The following TIAM1 variants were observed in gnomAD, a reference collection of about 807,000 sequenced individuals.
TIAM1 encodes rho guanine nucleotide exchange factor TIAM1.
Under a neutral mutation model 163.5 loss-of-function variants are expected in TIAM1, and 65 were observed. That is an observed-to-expected ratio of 0.40 (90% CI 0.33 to 0.49). The LOEUF is 0.49. Among genes scored for constraint, TIAM1 ranks in the 20% least tolerant of loss-of-function variants. The probability of loss-of-function intolerance (pLI) is 0.77; values close to 1 mark genes in which losing one functional copy is unlikely to be tolerated. For synonymous variants in TIAM1, 833 were observed against 810.1 expected (o/e 1.03, Z -0.48); for missense variants, 1,789 against 2,044.7 (o/e 0.87, Z 2.41).
chr21:31,447,021 AC>A (rs1265874079), intron 2 of TIAM1, among the ~76,000 whole-genome samples: 1 of 152,200 alleles, frequency 6.6e-6, no homozygotes, highest in Admixed American at 6.5e-5. Flanking sequence ...TATCATTCTT[AC>A]CCCTATGAAC....
At chr21:31,244,968 A>T (rs1030244286) in intron 6 of TIAM1, among the ~76,000 whole-genome samples, 20 of 152,136 alleles carry the variant, frequency 1.3e-4, no homozygotes, top group African/African-American at 4.3e-4. Context: ...ATTTTTTTTA[A>T]AAAATGTTGA....
intron 13 of TIAM1, among the ~76,000 whole-genome samples, chr21:31,189,365 T>C (rs1278543510): frequency 6.6e-6 from 1 of 152,066 alleles, no homozygotes; most frequent in East Asian, 1.9e-4. Context: ...ATTCCCTCTT[T>C]TCTTGGTCCT....
chr21:31,350,557 T>C (rs1223157631), intron 2 of TIAM1, among the ~76,000 whole-genome samples: 4 of 152,144 alleles, frequency 2.6e-5, no homozygotes, highest in African/African-American at 7.2e-5. Context: ...GTTCTCGTGA[T>C]AGTGAGTCAG....
intron 14 of TIAM1, among the ~76,000 whole-genome samples, chr21:31,184,887 C>T (rs1025525042): frequency 2.6e-5 from 4 of 152,164 alleles, no homozygotes; most frequent in African/African-American, 9.7e-5. Context: ...ACACCTTTGC[C>T]TTTCCATGCA....
At chr21:31,186,552 G>A (rs546610811) in intron 14 of TIAM1, among the ~76,000 whole-genome samples, 3 of 152,120 alleles carry the variant, frequency 2.0e-5, no homozygotes, top group South Asian at 2.1e-4. Context: ...CAGGAGGATC[G>A]CTTGAGCCCA....
intron 4 of TIAM1, among the ~76,000 whole-genome samples, chr21:31,264,848 G>C (rs745567008): frequency 8.5e-5 from 13 of 152,118 alleles, no homozygotes; most frequent in Admixed American, 4.6e-4. Context: ...AGGCTGCTCC[G>C]CCATTCAAGG....
chr21:31,240,244 C>T (rs1438571036), intron 6 of TIAM1, among the ~76,000 whole-genome samples: 4 of 152,192 alleles, frequency 2.6e-5, no homozygotes, highest in South Asian at 4.2e-4. Context: ...TTAAGAACTT[C>T]CAAAGAGCCA....
At chr21:31,394,417 A>G (rs1469691161) in intron 2 of TIAM1, among the ~76,000 whole-genome samples, 4 of 152,230 alleles carry the variant, frequency 2.6e-5, no homozygotes, top group Admixed American at 2.6e-4. Flanking sequence ...GTGGGATACT[A>G]TGTGGTGAAC....
chr21:31,539,277 T>G (rs1270816652), intron 1 of TIAM1, among the ~76,000 whole-genome samples: 2 of 150,718 alleles, frequency 1.3e-5, no homozygotes, highest in Non-Finnish European at 2.9e-5. Flanking sequence ...ACTCTTTTTT[T>G]TTTTTTGAGA....
chr21:31,509,866 G>A (rs893207989), intron 1 of TIAM1, among the ~76,000 whole-genome samples: 3 of 152,174 alleles, frequency 2.0e-5, no homozygotes, highest in African/African-American at 7.2e-5. Context: ...GGATGAGTCA[G>A]CCAATTACCG....
intron 2 of TIAM1, among the ~76,000 whole-genome samples, chr21:31,355,501 C>T (rs2076300369): frequency 1.3e-5 from 2 of 151,776 alleles, no homozygotes; most frequent in African/African-American, 4.8e-5. Flanking sequence ...TCCTTTCTTA[C>T]TTCCCTGATT....
At chr21:31,551,039 A>C (rs2123316777) in intron 1 of TIAM1, among the ~76,000 whole-genome samples, 1 of 151,366 alleles carries the variant, frequency 6.6e-6, no homozygotes, top group East Asian at 2.0e-4. Flanking sequence ...GGTGAAACCT[A>C]GTCTCTACTA....
intron 1 of TIAM1, among the ~76,000 whole-genome samples, chr21:31,511,749 AG>A (rs2047216995): frequency 6.6e-6 from 1 of 152,238 alleles, no homozygotes; most frequent in South Asian, 2.1e-4. Context: ...AGTTCCAGGA[AG>A]GCACTTTGCA....
chr21:31,462,277 T>A (rs534820046), intron 2 of TIAM1, among the ~76,000 whole-genome samples: 32 of 152,300 alleles, frequency 2.1e-4, no homozygotes, highest in African/African-American at 6.7e-4. Flanking sequence ...TAAAACTTTA[T>A]TTACAAAAAC....
At chr21:31,188,937 C>T (rs972071810) in intron 13 of TIAM1, among the ~76,000 whole-genome samples, 1 of 150,738 alleles carries the variant, frequency 6.6e-6, no homozygotes, top group African/African-American at 2.4e-5. Context: ...CTTTGCTTAA[C>T]TGGAAGATGG....
At chr21:31,177,982 A>G (rs1028264234) in intron 15 of TIAM1, among the ~76,000 whole-genome samples, 1 of 152,088 alleles carries the variant, frequency 6.6e-6, no homozygotes, top group Non-Finnish European at 1.5e-5. Flanking sequence ...GCCACTCAGG[A>G]TGTTTCCTAT....
intron 2 of TIAM1, among the ~76,000 whole-genome samples, chr21:31,305,399 G>A (rs2146969203): frequency 6.6e-6 from 1 of 150,602 alleles, no homozygotes; most frequent in Non-Finnish European, 1.5e-5. Flanking sequence ...AAGGAGCGAT[G>A]GGCATTAACT....
intron 2 of TIAM1, among the ~76,000 whole-genome samples, chr21:31,359,867 AGGG>A (rs1307402480): frequency 1.5e-5 from 2 of 137,416 alleles, no homozygotes; most frequent in Non-Finnish European, 1.6e-5. Flanking sequence ...GAAGGAAGGG[AGGG>A]AGGGAGGAAA....
intron 2 of TIAM1, among the ~76,000 whole-genome samples, chr21:31,285,193 C>CA (rs879840338): frequency 3.3e-5 from 5 of 151,302 alleles, no homozygotes; most frequent in Non-Finnish European, 5.9e-5. Flanking sequence ...GCCACCCCCC[C>CA]AAGCCAATTC....
Sources: gnomAD v4.1 joint callset for allele counts (sites outside exome capture counted in the v4.1 genomes callset) on GRCh38, gnomAD v4.1.1 for gene constraint, MANE v1.5 for transcripts, NCBI Gene and HGNC (gene_info 2026-07-23, HGNC 2026-07-21) for gene names.